The following GABRG3 variants were observed in gnomAD, a reference collection of about 807,000 sequenced individuals.
GABRG3 encodes the protein gamma-aminobutyric acid type A receptor subunit gamma3, also known as gamma-aminobutyric acid receptor subunit gamma-3.
A neutral mutation model predicts 48.8 loss-of-function variants in GABRG3; 25 were observed. That is an observed-to-expected ratio of 0.51 (90% CI 0.37 to 0.72). The LOEUF is 0.72. Ranked by LOEUF, GABRG3 falls within the 30% of genes least tolerant of loss-of-function variation. The pLI is 0.00. For missense variants in GABRG3, 394 were observed against 577.9 expected (o/e 0.68, Z 3.26); for synonymous variants, 227 against 217.6 (o/e 1.04, Z -0.38).
At chr15:27,028,592 G>T (rs1274465750) in intron 3 of GABRG3, among the ~76,000 whole-genome samples, 1 of 152,062 alleles carries the variant, frequency 6.6e-6, no homozygotes, top group Non-Finnish European at 1.5e-5. Context: ...AGATCACAAG[G>T]TCAGGAGTTC....
chr15:27,483,075 C>T (rs1371300613), intron 6 of GABRG3: 1 of 152,162 alleles, frequency 6.6e-6, no homozygotes, highest in East Asian at 1.9e-4. Flanking sequence ...AAAGACTGTT[C>T]AAAAACATTA....
rs200921697 is a variant in GABRG3 at position 27,447,854 on chromosome 15, G to GT, written c.575-32795dup. On this transcript the variant is annotated intron_variant, in intron 5 of 9. Coordinates refer to ENST00000615808, the MANE Select transcript of GABRG3 (RefSeq NM_033223.5). The surrounding 1 kb of genome is among the most constrained non-coding windows in gnomAD (Gnocchi z 4.0). Reference sequence around the variant, plus strand: ...CATCACACACCAGGGCCTGTCAGGGGTAAGGGGGCTGGGGGAGAGATAGCA... The same window carrying GT: ...CATCACACACCAGGGCCTGTCAGGGGTTAAGGGGGCTGGGGGAGAGATAGCA... Among the ~76,000 whole-genome samples the GT allele has an allele frequency of 0.014, 2,160 of 152,222 alleles. 55 individuals are homozygous for GT. Among genetic ancestry groups the GT allele is most frequent in the African/African-American group, 0.05 (2,064 of 41,524 alleles).
chr15:27,297,820 T>G (rs1415920748), intron 3 of GABRG3, among the ~76,000 whole-genome samples: 1 of 152,110 alleles, frequency 6.6e-6, no homozygotes, highest in Non-Finnish European at 1.5e-5. Context: ...TTTTATACTA[T>G]AACAATAATA....
intron 3 of GABRG3, among the ~76,000 whole-genome samples, chr15:27,149,225 GAAT>G (rs1332737892): frequency 6.6e-6 from 1 of 151,782 alleles, no homozygotes; most frequent in Non-Finnish European, 1.5e-5. Flanking sequence ...AAAATTAAGA[GAAT>G]AATTTCATTT....
chr15:27,002,305 A>G, intron 2 of GABRG3, among the ~76,000 whole-genome samples: 1 of 152,210 alleles, frequency 6.6e-6, no homozygotes, highest in African/African-American at 2.4e-5. Context: ...TGTCCAGGAC[A>G]CCAATTCAGT....
intron 5 of GABRG3, among the ~76,000 whole-genome samples, chr15:27,367,163 G>C (rs910593578): frequency 2.0e-5 from 3 of 152,030 alleles, no homozygotes; most frequent in African/African-American, 7.3e-5. Flanking sequence ...TTCCATCCTC[G>C]TACCCTCCTG....
intron 3 of GABRG3, among the ~76,000 whole-genome samples, chr15:27,036,805 A>T (rs187180742): frequency 3.5e-4 from 54 of 152,322 alleles, no homozygotes; most frequent in African/African-American, 1.3e-3. Flanking sequence ...AATCTTGTTG[A>T]TGGAGCCTTT....
intron 5 of GABRG3, among the ~76,000 whole-genome samples, chr15:27,343,217 G>C (rs536939359): frequency 1.3e-5 from 2 of 152,150 alleles, no homozygotes; most frequent in Admixed American, 1.3e-4. Flanking sequence ...CCACGTGGCA[G>C]CTCTAGCAGG....
At chr15:27,213,839 TGTG>T (rs1285810388) in intron 3 of GABRG3, among the ~76,000 whole-genome samples, 2 of 152,188 alleles carry the variant, frequency 1.3e-5, no homozygotes, top group Non-Finnish European at 2.9e-5. Context: ...GCTCCACACT[TGTG>T]GTGAAAGCTG....
chr15:27,355,078 T>C lies in GABRG3; in HGVS notation c.574+26190T>C, dbSNP rs528039278. ...AGGAAGACCCAGGGTGTTTGGCCAT[T>C]GCCGGCAGCTAAAGGCCTGTCTCAG... On this transcript the variant is annotated intron_variant, in intron 5 of 9. Transcript: ENST00000615808. Among the ~76,000 whole-genome samples the C allele has an allele frequency of 2.0e-5, 3 of 152,296 alleles. No homozygotes were observed. The East Asian group carries it at 5.8e-4, about 29-fold the overall frequency.
intron 3 of GABRG3, among the ~76,000 whole-genome samples, chr15:27,077,925 G>T (rs1896935693): frequency 6.6e-6 from 1 of 152,194 alleles, no homozygotes; most frequent in Non-Finnish European, 1.5e-5. Flanking sequence ...GTGCACCCCA[G>T]CCATTCCTCA....
At chr15:27,133,499 A>G (rs1566943724) in intron 3 of GABRG3, among the ~76,000 whole-genome samples, 1 of 152,188 alleles carries the variant, frequency 6.6e-6, no homozygotes, top group African/African-American at 2.4e-5. Context: ...TTATGGCTCA[A>G]TCCTGAGCTA....
chr15:26,988,537 A>C (rs2140644747), intron 2 of GABRG3, among the ~76,000 whole-genome samples: 1 of 152,180 alleles, frequency 6.6e-6, no homozygotes, highest in African/African-American at 2.4e-5. Context: ...TTTGTGTTTA[A>C]AATGTGTTTC....
intron 3 of GABRG3, among the ~76,000 whole-genome samples, chr15:27,306,802 A>AT (rs1892521503): frequency 1.0e-5 from 1 of 97,026 alleles, no homozygotes; most frequent in African/African-American, 4.6e-5. Context: ...TAAACATACA[A>AT]TATAAACATG....
At chr15:27,394,209 C>T (rs183920968) in intron 5 of GABRG3, among the ~76,000 whole-genome samples, 9 of 152,194 alleles carry the variant, frequency 5.9e-5, no homozygotes, top group Admixed American at 5.9e-4. Flanking sequence ...CTCTAGAGTA[C>T]ACTTTAATTT....
rs1319355286 is a variant in GABRG3 at position 27,308,265 on chromosome 15, T to TCC, written c.271-18544_271-18543insCC. On this transcript the variant is annotated intron_variant, in intron 3 of 9. Coordinates refer to ENST00000615808, the MANE Select transcript of GABRG3 (RefSeq NM_033223.5). ...ACATATATAAACATACGTTTATATA[T>TCC]AAACATAATATAAACATACGTTTAT... is the stretch of plus-strand genomic sequence containing the variant. 1.9e-3 allele frequency among the ~76,000 whole-genome samples: 217 copies of TCC among 115,522 alleles called. 15 individuals are homozygous for TCC. The highest frequency in any genetic ancestry group is 5.2e-3 in the African/African-American group (155 of 30,070). The allele number at this position is 115,522 out of a possible 152,430, so 75.8% of individuals were successfully genotyped here. A position where few individuals can be genotyped will look rare whatever the true frequency, so the allele number is the denominator to read the frequency against.
At chr15:27,110,809 A>G (rs912960653) in intron 3 of GABRG3, among the ~76,000 whole-genome samples, 4 of 152,164 alleles carry the variant, frequency 2.6e-5, no homozygotes, top group South Asian at 2.1e-4. Context: ...CGTGGCTTCT[A>G]TCAGGATATT....
intron 5 of GABRG3, among the ~76,000 whole-genome samples, chr15:27,393,816 C>G (rs1269920054): frequency 1.3e-5 from 2 of 152,180 alleles, no homozygotes; most frequent in African/African-American, 4.8e-5. Context: ...TAGAAAGGAA[C>G]AGAATGGCAG....
At chr15:26,982,444 A>ATC (rs1037928148) in intron 2 of GABRG3, among the ~76,000 whole-genome samples, 5 of 152,190 alleles carry the variant, frequency 3.3e-5, no homozygotes, top group African/African-American at 1.2e-4. Flanking sequence ...TCCAACCCAG[A>ATC]TCTCTCTGGC....
Sources: gnomAD v4.1 joint callset for allele counts (sites outside exome capture counted in the v4.1 genomes callset) on GRCh38, gnomAD v4.1.1 for gene constraint, Gnocchi (gnomAD v3.1) non-coding constraint, MANE v1.5 for transcripts, NCBI Gene and HGNC (gene_info 2026-07-23, HGNC 2026-07-21) for gene names.